RPS6KC1: variants seen among roughly 807,000 people sequenced by gnomAD.
The protein encoded by RPS6KC1 is ribosomal protein S6 kinase C1.
In RPS6KC1, 54 loss-of-function variants were observed where a neutral mutation model predicts 103.8. The ratio of observed to expected loss-of-function variants is 0.52; its 90% confidence interval spans 0.42 to 0.65. The LOEUF (loss-of-function observed/expected upper bound fraction) is 0.65. RPS6KC1 is among the 30% of genes least tolerant of loss of function. The pLI is 0.00. For missense variants in RPS6KC1, 1,151 were observed against 1,253.8 expected, an observed-to-expected ratio of 0.92 and a Z score of 1.24; for synonymous variants, 439 against 438.7, an observed-to-expected ratio of 1.00 and a Z score of -0.01.
the RPS6KC1 span, among the ~76,000 whole-genome samples, chr1:213,319,043 C>T: frequency 4.6e-5 from 7 of 152,248 alleles, no homozygotes; most frequent in East Asian, 3.9e-4. Context: ...CGGTGGCTCA[C>T]GCCTGTCATC....
the RPS6KC1 span, among the ~76,000 whole-genome samples, chr1:213,737,457 T>G: frequency 6.6e-6 from 1 of 152,194 alleles, no homozygotes; most frequent in African/African-American, 2.4e-5. Context: ...AGGTTTACCT[T>G]GGAGTTACAT....
chr1:213,322,368 G>A, the RPS6KC1 span, among the ~76,000 whole-genome samples: 2 of 152,204 alleles, frequency 1.3e-5, no homozygotes, highest in Non-Finnish European at 2.9e-5. Context: ...AGTTCACACT[G>A]AGATAGGGTG....
In RPS6KC1 at chr1:213,103,816, G is replaced by A. The variant is rs11806969; in HGVS notation, c.263-638G>A. Among the ~76,000 whole-genome samples, 663 of 152,252 alleles carry A rather than the reference G, an allele frequency of 4.4e-3. 4 individuals are homozygous for A. Among genetic ancestry groups the A allele is most frequent in the African/African-American group, 0.015 (639 of 41,554 alleles). On this transcript the variant is annotated intron_variant, in intron 3 of 14. Transcript: ENST00000366960. ...ATCATATTTTGAAAATGTCTTATCA[G>A]CATTCAAATTTTATGTATCATTTAA... is the stretch of plus-strand genomic sequence containing the variant.
At chr1:213,554,828 C>G in the RPS6KC1 span, among the ~76,000 whole-genome samples, 1,073 of 152,232 alleles carry the variant, frequency 7.0e-3, 11 homozygotes, top group African/African-American at 0.021. Flanking sequence ...ACTCTAGAGT[C>G]TATCTTTTAA....
the RPS6KC1 span, among the ~76,000 whole-genome samples, chr1:213,526,753 G>A: frequency 6.6e-6 from 1 of 152,088 alleles, no homozygotes; most frequent in Admixed American, 6.6e-5. Flanking sequence ...GACAGTTCGG[G>A]GGACAGGAAG....
the RPS6KC1 span, among the ~76,000 whole-genome samples, chr1:213,524,417 G>T: frequency 6.6e-6 from 1 of 151,160 alleles, no homozygotes; most frequent in African/African-American, 2.4e-5. Flanking sequence ...CCCAGCCCCA[G>T]CCCAGGGGCC....
chr1:213,118,345 G>A (rs113842235), intron 5 of RPS6KC1, among the ~76,000 whole-genome samples: 1,534 of 152,054 alleles, frequency 0.01, 31 homozygotes, highest in African/African-American at 0.035. Context: ...GGGTAGGAGG[G>A]ATTTTTAAAA....
At chr1:213,496,953 T>G in the RPS6KC1 span, among the ~76,000 whole-genome samples, 2 of 152,180 alleles carry the variant, frequency 1.3e-5, no homozygotes, top group Non-Finnish European at 2.9e-5. Context: ...AATTATTTTC[T>G]TCAGAGCCAG....
At chr1:213,212,854 C>T (rs1396696953) in intron 8 of RPS6KC1, among the ~76,000 whole-genome samples, 1 of 152,112 alleles carries the variant, frequency 6.6e-6, no homozygotes, top group East Asian at 1.9e-4. Context: ...TTTTTATATG[C>T]TTATTTGCCA....
the RPS6KC1 span, among the ~76,000 whole-genome samples, chr1:213,576,199 C>T: frequency 6.6e-6 from 1 of 151,888 alleles, no homozygotes; most frequent in African/African-American, 2.4e-5. Flanking sequence ...TAAAAAGAAC[C>T]TCCACAACAA....
At chr1:213,328,847 A>G in the RPS6KC1 span, among the ~76,000 whole-genome samples, 2 of 152,082 alleles carry the variant, frequency 1.3e-5, no homozygotes, top group Non-Finnish European at 1.5e-5. Flanking sequence ...GTGCATGGAC[A>G]TGGTAGGTTA....
the RPS6KC1 span, among the ~76,000 whole-genome samples, chr1:213,740,158 C>T: frequency 6.6e-6 from 1 of 152,076 alleles, no homozygotes; most frequent in Non-Finnish European, 1.5e-5. Flanking sequence ...TTTTGAGTAT[C>T]ACAGTGGCCA....
the RPS6KC1 span, among the ~76,000 whole-genome samples, chr1:213,432,291 T>C: frequency 6.6e-6 from 1 of 152,240 alleles, no homozygotes; most frequent in Non-Finnish European, 1.5e-5. Flanking sequence ...ATCCCTAGTT[T>C]TAATGAAGTA....
At chr1:213,861,077 G>A in the RPS6KC1 span, among the ~76,000 whole-genome samples, 81 of 152,200 alleles carry the variant, frequency 5.3e-4, no homozygotes, top group South Asian at 7.9e-3. Context: ...CCAAAATGTC[G>A]AGATTACAGA....
the RPS6KC1 span, among the ~76,000 whole-genome samples, chr1:213,614,208 A>G: frequency 6.6e-6 from 1 of 152,222 alleles, no homozygotes; most frequent in Non-Finnish European, 1.5e-5. Flanking sequence ...CAACAGTCCT[A>G]GAGGTAACAT....
intron 6 of RPS6KC1, among the ~76,000 whole-genome samples, chr1:213,159,674 C>T (rs2090272244): frequency 1.3e-5 from 2 of 152,110 alleles, no homozygotes; most frequent in African/African-American, 2.4e-5. Context: ...GGTGGTTTCT[C>T]GTCTAAATAT....
At chr1:213,663,621 G>A in the RPS6KC1 span, among the ~76,000 whole-genome samples, 22 of 152,298 alleles carry the variant, frequency 1.4e-4, no homozygotes, top group African/African-American at 4.8e-4. Flanking sequence ...CACCATTAAA[G>A]TTATAAAGTT....
At chr1:213,756,001 T>C in the RPS6KC1 span, among the ~76,000 whole-genome samples, 2 of 152,150 alleles carry the variant, frequency 1.3e-5, no homozygotes, top group Admixed American at 6.5e-5. Flanking sequence ...CCACTCCTAC[T>C]TGGGCCAATC....
chr1:213,443,915 GT>G, the RPS6KC1 span, among the ~76,000 whole-genome samples: 6 of 151,642 alleles, frequency 4.0e-5, no homozygotes, highest in Non-Finnish European at 7.4e-5. Context: ...AAAAAGAGAA[GT>G]TTTTGGTGCT....
Sources: allele counts gnomAD v4.1 joint callset (sites outside exome capture counted in the v4.1 genomes callset), GRCh38; gene constraint gnomAD v4.1.1; transcripts MANE v1.5; gene names NCBI Gene and HGNC (gene_info 2026-07-23, HGNC 2026-07-21).